FSTL4: variants seen among roughly 807,000 people sequenced by gnomAD.
The protein encoded by FSTL4 is follistatin-related protein 4.
FSTL4 carries 28 observed loss-of-function variants against 78.2 expected under a neutral mutation model. The observed-to-expected ratio is 0.36, with a 90% CI of 0.27 to 0.49. FSTL4 has a LOEUF of 0.49. FSTL4 is among the 20% of genes least tolerant of loss of function. FSTL4 has a pLI of 0.98. For missense variants in FSTL4, 922 were observed against 1,084.9 expected, an observed-to-expected ratio of 0.85 and a Z score of 2.11; for synonymous variants, 422 against 440.5, an observed-to-expected ratio of 0.96 and a Z score of 0.53.
the FSTL4 span, among the ~76,000 whole-genome samples, chr5:133,799,957 C>G: frequency 7.2e-6 from 1 of 139,090 alleles, no homozygotes; most frequent in Non-Finnish European, 1.6e-5. Flanking sequence ...ACCTGAGCAC[C>G]CTTCTCTCTC....
intron 3 of FSTL4, among the ~76,000 whole-genome samples, chr5:133,560,219 G>A (rs927196112): frequency 6.6e-6 from 1 of 152,230 alleles, no homozygotes; most frequent in Non-Finnish European, 1.5e-5. Flanking sequence ...ATCACTGGCA[G>A]ATCCATCGTG....
the FSTL4 span, among the ~76,000 whole-genome samples, chr5:133,666,415 C>T: frequency 6.6e-6 from 1 of 152,120 alleles, no homozygotes; most frequent in Non-Finnish European, 1.5e-5. Context: ...TCCCTATTCC[C>T]TGAAAAGCCT....
At chr5:133,751,376 A>G in the FSTL4 span, among the ~76,000 whole-genome samples, 3 of 152,220 alleles carry the variant, frequency 2.0e-5, no homozygotes, top group Admixed American at 1.3e-4. Flanking sequence ...ACCATTTGTC[A>G]TTCCAGTGGC....
chr5:133,644,791 T>C, the FSTL4 span, among the ~76,000 whole-genome samples: 3 of 152,146 alleles, frequency 2.0e-5, no homozygotes, highest in Admixed American at 6.5e-5. Context: ...CCTCTATGGA[T>C]TGTGGTCAAC....
chr5:133,576,210 C>T (rs1023216960), intron 2 of FSTL4, among the ~76,000 whole-genome samples: 2 of 152,182 alleles, frequency 1.3e-5, no homozygotes, highest in Admixed American at 6.5e-5. Context: ...TAAATGAGCA[C>T]TCTCAAATTC....
intron 7 of FSTL4, among the ~76,000 whole-genome samples, chr5:133,241,952 C>T (rs147989687): frequency 5.1e-4 from 77 of 152,228 alleles, no homozygotes; most frequent in African/African-American, 1.8e-3. Context: ...GGGACCAAGA[C>T]GACTTTCAGT....
intron 6 of FSTL4, among the ~76,000 whole-genome samples, chr5:133,255,483 T>A (rs752766505): frequency 3.3e-5 from 5 of 152,088 alleles, no homozygotes; most frequent in African/African-American, 4.8e-5. Flanking sequence ...CCCAAGTCAG[T>A]GTGGGTTGGT....
intron 3 of FSTL4, among the ~76,000 whole-genome samples, chr5:133,521,759 A>G (rs1299391814): frequency 6.6e-6 from 1 of 152,126 alleles, no homozygotes; most frequent in Non-Finnish European, 1.5e-5. Context: ...GAGAATTTTT[A>G]TTTAGTTTCC....
rs1389883634 is a variant in FSTL4, at chr5:133,426,017, G to C, written c.161-25031C>G. Among the ~76,000 whole-genome samples, 1 of 152,354 alleles carries C rather than the reference G, an allele frequency of 6.6e-6. No individual in the cohort carries two copies. Among genetic ancestry groups the C allele is most frequent in the South Asian group, 2.1e-4 (1 of 4,828 alleles). On this transcript the variant is annotated intron_variant, in intron 3 of 15. Transcript: ENST00000265342. The surrounding 1 kb of genome is among the most constrained non-coding windows in gnomAD (Gnocchi z 5.0). ...AGTGCTGGGGACCCCCCCTGAGCAA[G>C]ACCCTTCTCTCTTGGCCTTGGTCTT... is the stretch of plus-strand genomic sequence containing the variant.
At chr5:133,610,164 T>C (rs929262287) in intron 1 of FSTL4, among the ~76,000 whole-genome samples, 1 of 152,202 alleles carries the variant, frequency 6.6e-6, no homozygotes, top group Non-Finnish European at 1.5e-5. Context: ...AGTGACTGAC[T>C]GGTCATGGTG....
chr5:133,230,380 G>C (rs1581549387), intron 8 of FSTL4, among the ~76,000 whole-genome samples: 1 of 152,152 alleles, frequency 6.6e-6, no homozygotes, highest in East Asian at 1.9e-4. Flanking sequence ...GACCAATTCA[G>C]GGCTAATTTT....
intron 6 of FSTL4, among the ~76,000 whole-genome samples, chr5:133,305,490 G>T (rs147884398): frequency 1.3e-5 from 2 of 152,116 alleles, no homozygotes; most frequent in Non-Finnish European, 2.9e-5. Context: ...CTAGCTCGGC[G>T]TTCAGGTATC....
chr5:133,516,283 A>G (rs1758850972), intron 3 of FSTL4, among the ~76,000 whole-genome samples: 1 of 152,178 alleles, frequency 6.6e-6, no homozygotes, highest in African/African-American at 2.4e-5. Flanking sequence ...AAATTATCAT[A>G]TTTTCTGGAA....
Position 133,225,070 on chromosome 5 carries a change from C to A in FSTL4, c.1312+80G>T. ...CGGGCTCATGGTTGGCAGCTGTGGC[C>A]CTGGTCAATTGGTGCCCTCCCTTGC... On this transcript the variant is annotated intron_variant, in intron 10 of 15. Transcript: ENST00000265342. This position sits in a 1 kb window ranked among gnomAD's most constrained non-coding sequence, Gnocchi z 4.6. 2 of 1,521,532 alleles carry A rather than the reference C, an allele frequency of 1.3e-6. No individual in the cohort carries two copies. Among genetic ancestry groups the A allele is most frequent in the Admixed American group, 3.3e-5 (2 of 59,754 alleles). The allele number at this position is 1,521,532 out of a possible 1,614,324, so 94.3% of individuals were successfully genotyped here.
the FSTL4 span, among the ~76,000 whole-genome samples, chr5:133,792,769 C>A: frequency 6.6e-6 from 1 of 152,238 alleles, no homozygotes. Flanking sequence ...GACATCCCTC[C>A]TCAAGTCAGC....
At chr5:133,580,315 C>A (rs1331461126) in intron 2 of FSTL4, among the ~76,000 whole-genome samples, 1 of 152,128 alleles carries the variant, frequency 6.6e-6, no homozygotes, top group Non-Finnish European at 1.5e-5. Flanking sequence ...AGCCCCATCA[C>A]CCAGGTCTCT....
chr5:133,447,195 G>A (rs1047268422), intron 3 of FSTL4, among the ~76,000 whole-genome samples: 1 of 152,234 alleles, frequency 6.6e-6, no homozygotes, highest in Non-Finnish European at 1.5e-5. Context: ...CCACCAGCCT[G>A]TGTGACAGCC....
intron 3 of FSTL4, among the ~76,000 whole-genome samples, chr5:133,535,234 G>T (rs1247701622): frequency 1.3e-5 from 2 of 152,166 alleles, no homozygotes; most frequent in Non-Finnish European, 2.9e-5. Flanking sequence ...AAAACTGTGA[G>T]AACTGTTGGG....
At chr5:133,574,118 T>G (rs1760222720) in intron 2 of FSTL4, among the ~76,000 whole-genome samples, 1 of 152,218 alleles carries the variant, frequency 6.6e-6, no homozygotes, top group South Asian at 2.1e-4. Context: ...GAAATATATT[T>G]GCAATCCATA....
Sources: gnomAD v4.1 joint callset for allele counts (sites outside exome capture counted in the v4.1 genomes callset) on GRCh38, gnomAD v4.1.1 for gene constraint, Gnocchi (gnomAD v3.1) non-coding constraint, MANE v1.5 for transcripts, NCBI Gene and HGNC (gene_info 2026-07-23, HGNC 2026-07-21) for gene names.